Variants in CNTN5 observed in about 807,000 individuals in gnomAD.
CNTN5 encodes contactin 5, also known as contactin-5.
CNTN5 carries 77 observed loss-of-function variants against 129.1 expected under a neutral mutation model. That is an observed-to-expected ratio of 0.60 (90% CI 0.50 to 0.72). The LOEUF (loss-of-function observed/expected upper bound fraction) is 0.72, where lower values mean the gene tolerates loss of function less well. Ranked by LOEUF, CNTN5 falls within the 30% of genes least tolerant of loss-of-function variation. The probability of loss-of-function intolerance (pLI) is 0.00; values close to 1 mark genes in which losing one functional copy is unlikely to be tolerated. For synonymous variants in CNTN5, 509 were observed against 465.6 expected, an observed-to-expected ratio of 1.09 and a Z score of -1.20; for missense variants, 1,478 against 1,328.8, an observed-to-expected ratio of 1.11 and a Z score of -1.75.
At position 100,044,099 on chromosome 11, in the gene CNTN5, T is replaced by C. The variant is rs74967396; in HGVS notation, c.981-17113T>C. ...TGTCTATTATTCCACAGTGTATATA[T>C]ACACACACACACACACACGTATAGA... On this transcript the variant is annotated intron_variant, in intron 9 of 24. Coordinates refer to ENST00000524871, the MANE Select transcript of CNTN5 (RefSeq NM_014361.4). Among the ~76,000 whole-genome samples the C allele has an allele frequency of 2.3e-3, 325 of 140,974 alleles. 2 individuals are homozygous for C. In the East Asian group the frequency reaches 0.026, roughly 11 times the overall value. The allele number at this position is 140,974 out of a possible 152,430, so 92.5% of individuals were successfully genotyped here.
rs190984317 is a variant in CNTN5, at chr11:99,723,139, G to T, written c.56-96405G>T. On this transcript the variant is annotated intron_variant, in intron 3 of 24. Transcript: ENST00000524871. ...TGCTCATACTTACTCCCTTAATTAG[G>T]AATTCTATGACCTGGTATATAATTG... Among the ~76,000 whole-genome samples the T allele has an allele frequency of 1.8e-4, 28 of 151,564 alleles. No homozygotes were observed. In the East Asian group the frequency reaches 4.7e-3, roughly 25 times the overall value.
intron 9 of CNTN5, among the ~76,000 whole-genome samples, chr11:100,015,277 A>G (rs1348796566): frequency 1.3e-5 from 2 of 152,172 alleles, no homozygotes; most frequent in African/African-American, 4.8e-5. Context: ...TCATCCTAGT[A>G]GGGTGTTATG....
chr11:100,050,809 G>T (rs1009060754), intron 9 of CNTN5, among the ~76,000 whole-genome samples: 1 of 151,976 alleles, frequency 6.6e-6, no homozygotes, highest in Non-Finnish European at 1.5e-5. Flanking sequence ...TAATATCAAA[G>T]TATAATGTAG....
At chr11:100,159,162 CAT>C (rs1591332878) in intron 13 of CNTN5, among the ~76,000 whole-genome samples, 1 of 151,602 alleles carries the variant, frequency 6.6e-6, no homozygotes, top group East Asian at 2.0e-4. Context: ...AATGAATAAT[CAT>C]CACCAAAGTC....
intron 9 of CNTN5, among the ~76,000 whole-genome samples, chr11:100,017,612 T>G (rs571803877): frequency 1.3e-5 from 2 of 152,132 alleles, no homozygotes; most frequent in Admixed American, 1.3e-4. Flanking sequence ...TCCATCTATG[T>G]GCAGTTTAAT....
intron 1 of CNTN5, among the ~76,000 whole-genome samples, chr11:99,118,874 A>T (rs940022513): frequency 4.0e-5 from 6 of 151,856 alleles, no homozygotes; most frequent in Non-Finnish European, 8.8e-5. Context: ...AGTATGAAAT[A>T]TCTAAATATA....
chr11:99,640,753 C>G (rs75664854), intron 3 of CNTN5, among the ~76,000 whole-genome samples: 1,623 of 152,242 alleles, frequency 0.011, 36 homozygotes, highest in African/African-American at 0.036. Context: ...GTAAGCTGTA[C>G]TACCTAGGTT....
chr11:99,086,924 A>T (rs1452789916), intron 1 of CNTN5, among the ~76,000 whole-genome samples: 3 of 152,220 alleles, frequency 2.0e-5, no homozygotes, highest in Admixed American at 1.3e-4. Flanking sequence ...TCTTTATAAC[A>T]GTATCGTGGT....
intron 1 of CNTN5, among the ~76,000 whole-genome samples, chr11:99,086,142 G>A (rs971373581): frequency 3.7e-4 from 56 of 152,110 alleles, no homozygotes; most frequent in African/African-American, 9.4e-4. Flanking sequence ...TCATTCATTC[G>A]TCTACTTTCC....
At chr11:99,896,021 C>A (rs556289537) in intron 6 of CNTN5, among the ~76,000 whole-genome samples, 1 of 152,282 alleles carries the variant, frequency 6.6e-6, no homozygotes, top group Admixed American at 6.5e-5. Context: ...ATTTCCTGAA[C>A]ACTGCAGTCA....
At chr11:99,281,884 G>A (rs138539776) in intron 1 of CNTN5, among the ~76,000 whole-genome samples, 1 of 152,034 alleles carries the variant, frequency 6.6e-6, no homozygotes, top group East Asian at 1.9e-4. Context: ...TCTTGCACTG[G>A]TCATTTAAAG....
At chr11:99,911,346 C>G (rs1378085038) in intron 6 of CNTN5, among the ~76,000 whole-genome samples, 1 of 151,900 alleles carries the variant, frequency 6.6e-6, no homozygotes, top group African/African-American at 2.4e-5. Context: ...TATTGGCACT[C>G]CATTCCTCTT....
At chr11:99,468,789 C>T (rs776089017) in intron 2 of CNTN5, among the ~76,000 whole-genome samples, 4 of 147,424 alleles carry the variant, frequency 2.7e-5, no homozygotes, top group Non-Finnish European at 4.4e-5. Context: ...GGCTGGAGTG[C>T]AATGTTGCGA....
chr11:99,807,990 G>A (rs372168795), intron 3 of CNTN5, among the ~76,000 whole-genome samples: 7 of 152,210 alleles, frequency 4.6e-5, no homozygotes, highest in South Asian at 2.1e-4. Flanking sequence ...AGAATTAGGC[G>A]TAGGGACCTT....
rs143694021 is a variant in CNTN5, at chr11:100,082,840, T to G, written c.1580+8546T>G. 7.9e-5 allele frequency among the ~76,000 whole-genome samples: 12 copies of G among 152,196 alleles called. No homozygotes were observed. In the East Asian group the frequency reaches 2.3e-3, roughly 30 times the overall value. On this transcript the variant is annotated intron_variant, in intron 13 of 24. Transcript: ENST00000524871. Reference sequence around the variant, plus strand: ...TATGCATTTCTCTTTTGCATCACTGTGAGGAAATACCTGAGGCATGGTAAT... The same window carrying G: ...TATGCATTTCTCTTTTGCATCACTGGGAGGAAATACCTGAGGCATGGTAAT...
intron 2 of CNTN5, among the ~76,000 whole-genome samples, chr11:99,546,239 G>T (rs1180775095): frequency 6.6e-6 from 1 of 152,154 alleles, no homozygotes; most frequent in Non-Finnish European, 1.5e-5. Flanking sequence ...TTCATAAAGG[G>T]TTATGTCCTG....
intron 13 of CNTN5, among the ~76,000 whole-genome samples, chr11:100,114,277 G>A (rs1443367065): frequency 6.6e-6 from 1 of 152,044 alleles, no homozygotes; most frequent in Non-Finnish European, 1.5e-5. Flanking sequence ...GTAAACTCAA[G>A]GGAAGATTAA....
chr11:100,206,838 T>A (rs546576173), intron 15 of CNTN5, among the ~76,000 whole-genome samples: 1 of 152,190 alleles, frequency 6.6e-6, no homozygotes, highest in Admixed American at 6.5e-5. Context: ...GCACCTGGCA[T>A]CATGCCTGGC....
intron 1 of CNTN5, among the ~76,000 whole-genome samples, chr11:99,132,249 A>G (rs1858979573): frequency 6.6e-6 from 1 of 152,110 alleles, no homozygotes; most frequent in South Asian, 2.1e-4. Flanking sequence ...TATTGAAAGA[A>G]CATACCTCAA....
Sources: gnomAD v4.1 joint callset for allele counts (sites outside exome capture counted in the v4.1 genomes callset) on GRCh38, gnomAD v4.1.1 for gene constraint, MANE v1.5 for transcripts, NCBI Gene and HGNC (gene_info 2026-07-23, HGNC 2026-07-21) for gene names.